NEB: variants seen among roughly 807,000 people sequenced by gnomAD.
NEB encodes the protein nemaline myopathy type 2.
A neutral mutation model predicts 952.2 loss-of-function variants in NEB; 512 were observed. That is an observed-to-expected ratio of 0.54 (90% CI 0.50 to 0.58). The LOEUF (loss-of-function observed/expected upper bound fraction) is 0.58, where lower values mean the gene tolerates loss of function less well. Ranked by LOEUF, NEB falls within the 20% of genes least tolerant of loss-of-function variation. NEB has a pLI of 0.00. For synonymous variants in NEB, 2,900 were observed against 3,149.8 expected, an observed-to-expected ratio of 0.92 and a Z score of 2.66; for missense variants, 8,428 against 9,231.1, an observed-to-expected ratio of 0.91 and a Z score of 3.56.
At position 151,525,223 on chromosome 2, in the gene NEB, G is replaced by A. The variant is rs754896798; in HGVS notation, c.22212C>T (p.Ser7404=). 10 of 1,613,822 alleles carry A rather than the reference G, an allele frequency of 6.2e-6. No homozygotes were observed. The highest frequency in any genetic ancestry group is 4.5e-5 in the East Asian group (2 of 44,890). The change falls in exon 151 of 182, where the codon TCC becomes TCT. Residue 7404 remains serine (S), a synonymous_variant. Coordinates refer to ENST00000397345, the MANE Select transcript of NEB (RefSeq NM_001164508.2). The part of the protein sequence containing the change: ...FVKEKGKSNY[S]IMLEPPEVKH... ...TCACCTCTGGTGGCTCCAGCATGAT[G>A]GAGTAGTTGGATTTTCCTTTCTCCT...
Position 151,576,208 on chromosome 2 carries a change from G to T in NEB, c.16851C>A (p.Ser5617Arg). 6.2e-7 allele frequency: 1 copy of T among 1,611,158 alleles called. No homozygotes were observed. Among genetic ancestry groups the T allele is most frequent in the Non-Finnish European group, 8.5e-7 (1 of 1,177,954 alleles). ...GGACCACTTCAGGTGTGTCAACAATGCTTGTGTACTTAAGGTTCACCACAG... is the reference window on the plus strand; with the variant it reads ...GGACCACTTCAGGTGTGTCAACAATTCTTGTGTACTTAAGGTTCACCACAG... ...RTPVVNLKYTSIVDTPEVVLA... is the reference protein window; with the variant it reads ...RTPVVNLKYTRIVDTPEVVLA... Residue 5617 changes from serine (S) to arginine (R), a missense_variant, in exon 106 of 182, where the codon AGC becomes AGA. Physicochemically the swap from Ser to Arg is moderately radical, Grantham distance 110. Coordinates refer to ENST00000397345, the MANE Select transcript of NEB (RefSeq NM_001164508.2).
chr2:151,631,152 G>T lies in NEB; in HGVS notation c.9609C>A (p.Asn3203Lys). The T allele has an allele frequency of 6.2e-7, 1 of 1,613,924 alleles. No individual in the cohort carries two copies. Among genetic ancestry groups the T allele is most frequent in the Non-Finnish European group, 8.5e-7 (1 of 1,179,836 alleles). Residue 3203 changes from asparagine to lysine, a missense_variant, in exon 66 of 182, where the codon AAC becomes AAA. This residue lies in a region of NEB where 1,772 missense variants were observed against 1,960.3 expected (regional missense o/e 0.90). Coordinates refer to ENST00000397345, the MANE Select transcript of NEB (RefSeq NM_001164508.2). ...GGCAGCTAGGACTCACCTTATTCAT[G>T]TTGAGAGCATTGTTCTTGGCCAGCA... Reference protein sequence around the residue: ...EQVLAKNNALNMNKRLYTEAW... With the variant: ...EQVLAKNNALKMNKRLYTEAW...
At chr2:151,639,449 G>A in intron 62 of NEB, 65 bp from the exon 63 acceptor site, 1 of 1,190,602 alleles carries the variant, frequency 8.4e-7, no homozygotes, top group East Asian at 2.6e-5. Context: ...AGGAATTTTA[G>A]GGCCACAAAA....
At chr2:151,568,822 C>T (rs2096527755) in intron 110 of NEB, 106 bp from the exon 111 acceptor site, 3 of 787,946 alleles carry the variant, frequency 3.8e-6, no homozygotes, top group East Asian at 2.7e-5. Flanking sequence ...CATACAGTGC[C>T]GTATTTGAAT....
At chr2:151,696,599 C>G (rs76127015) in intron 17 of NEB, 38 bp downstream of exon 17, 1 of 1,453,170 alleles carries the variant, frequency 6.9e-7, no homozygotes, top group African/African-American at 1.4e-5. Flanking sequence ...AATGTTATCC[C>G]TCATAATTGG....
At chr2:151,666,493 C>A in intron 40 of NEB, 92 bp from the exon 41 acceptor site, 1 of 1,246,986 alleles carries the variant, frequency 8.0e-7, no homozygotes, top group Non-Finnish European at 1.1e-6. Context: ...AAGCCAACTT[C>A]AGTCTGAATC....
rs572277679 is a variant in NEB at position 151,698,051 on chromosome 2, G to A, written c.1153-403C>T. Among the ~76,000 whole-genome samples the A allele has an allele frequency of 1.2e-4, 18 of 147,828 alleles. 1 individual carries two copies. The South Asian group carries it at 3.9e-3, about 32-fold the overall frequency. On this transcript the variant is annotated intron_variant, in intron 13 of 181. Coordinates refer to ENST00000397345, the MANE Select transcript of NEB (RefSeq NM_001164508.2). ...ATTGCACTCCAGCCCGGGCGACAATGCGAGACTCCGTCTCAAAACAAAACA... is the reference window on the plus strand; with the variant it reads ...ATTGCACTCCAGCCCGGGCGACAATACGAGACTCCGTCTCAAAACAAAACA...
In NEB at chr2:151,683,413, G is replaced by C. The variant is rs568415782; in HGVS notation, c.2836-644C>G. The stretch of plus-strand genomic sequence containing the variant: ...ATGCTACTCTTGTTGTCTGACCATA[G>C]GTGGTACCAAAAATTTACGTTTTAG... On this transcript the variant is annotated intron_variant, in intron 28 of 181. Coordinates refer to ENST00000397345, the MANE Select transcript of NEB (RefSeq NM_001164508.2). Among the ~76,000 whole-genome samples, 26 of 152,250 alleles carry C rather than the reference G, an allele frequency of 1.7e-4. No homozygotes were observed. The East Asian group carries it at 5.0e-3, about 29-fold the overall frequency.
chr2:151,646,009 G>T, intron 55 of NEB, 121 bp downstream of exon 55: 2 of 717,022 alleles, frequency 2.8e-6, no homozygotes, highest in South Asian at 4.0e-5. Flanking sequence ...AGGAATCTAA[G>T]TCATATGTAG....
intron 129 of NEB, among the ~76,000 whole-genome samples, chr2:151,550,618 T>G (rs1335612222): frequency 1.3e-5 from 2 of 152,132 alleles, no homozygotes; most frequent in Non-Finnish European, 2.9e-5. Flanking sequence ...GAATTACATT[T>G]AAAATATGAA....
In NEB at chr2:151,706,945, A is replaced by G; in HGVS notation, c.1088T>C (p.Val363Ala). 2 of 1,604,908 alleles carry G rather than the reference A, an allele frequency of 1.2e-6. No individual in the cohort carries two copies. Among genetic ancestry groups the G allele is most frequent in the Non-Finnish European group, 1.7e-6 (2 of 1,174,986 alleles). Residue 363 changes from valine (V) to alanine (A), a missense_variant, in exon 13 of 182, where the codon GTG (valine) becomes GCG (alanine). This residue lies in a region of NEB where 2,851 missense variants were observed against 2,791.5 expected (regional missense o/e 1.02). Transcript: ENST00000397345. ...CTGTGGGTTCTCTGAAGCAGGAAGC[A>G]CATTATAATCTGCTTTTCCTTTATT... Reference protein sequence around the residue: ...EKNKGKADYNVLPASENPQLR... With the variant: ...EKNKGKADYNALPASENPQLR...
chr2:151,568,514 A>G, intron 111 of NEB, 97 bp from the exon 112 acceptor site: 1 of 1,450,504 alleles, frequency 6.9e-7, no homozygotes, highest in Non-Finnish European at 9.6e-7. Flanking sequence ...TTCAATGATT[A>G]AAATCTGTAT....
At position 151,666,518 on chromosome 2, in the gene NEB, GT is replaced by G. The variant is rs529704102; in HGVS notation, c.4720-118del. On this transcript the variant is annotated intron_variant, in intron 40 of 181. Coordinates refer to ENST00000397345, the MANE Select transcript of NEB (RefSeq NM_001164508.2). Reference sequence around the variant, plus strand: ...CAGTCTGAATCTAGGTAACATCGAAGTTTTTTTTTGTATTTTAAAATAAACA... The same window carrying G: ...CAGTCTGAATCTAGGTAACATCGAAGTTTTTTTTGTATTTTAAAATAAACA... 280 of 927,616 alleles carry G rather than the reference GT, an allele frequency of 3.0e-4. 3 individuals carry two copies. Among genetic ancestry groups the G allele is most frequent in the South Asian group, 1.0e-3 (55 of 52,460 alleles). The allele number at this position is 927,616 out of a possible 1,614,324, so 57.5% of individuals were successfully genotyped here. A position where few individuals can be genotyped will look rare whatever the true frequency, so the allele number is the denominator to read the frequency against.
chr2:151,494,805 T>C (rs938592441), intron 173 of NEB, among the ~76,000 whole-genome samples: 2 of 152,048 alleles, frequency 1.3e-5, no homozygotes. Flanking sequence ...TGCACCACCA[T>C]GCCCGGCTAA....
rs6718654 is a variant in NEB at position 151,549,775 on chromosome 2, C to A, written c.19945-35G>T. On this transcript the variant is annotated intron_variant, in intron 129 of 181. Transcript: ENST00000397345. ...TGAGGAAGAGCAGGTTAAATGACATCGGGCATCAAGTAACTGATCTGAGCT... is the reference window on the plus strand; with the variant it reads ...TGAGGAAGAGCAGGTTAAATGACATAGGGCATCAAGTAACTGATCTGAGCT... The A allele has an allele frequency of 1.3e-5, 17 of 1,306,258 alleles. No individual in the cohort carries two copies. In the African/African-American group the frequency reaches 2.0e-4, roughly 16 times the overall value. The allele number at this position is 1,306,258 out of a possible 1,614,324, so 80.9% of individuals were successfully genotyped here.
intron 54 of NEB, 49 bp from the exon 55 acceptor site, chr2:151,646,283 T>A: frequency 7.5e-7 from 1 of 1,330,692 alleles, no homozygotes; most frequent in Non-Finnish European, 1.1e-6. Flanking sequence ...GATTAGTGAA[T>A]GATACAGTTG....
intron 136 of NEB, 48 bp downstream of exon 136, chr2:151,541,399 C>G: frequency 6.9e-7 from 1 of 1,447,762 alleles, no homozygotes; most frequent in Non-Finnish European, 9.6e-7. Context: ...CACATATAAT[C>G]ACCCCCTGTG....
At chr2:151,581,830 T>A (rs1322048230) in intron 102 of NEB, among the ~76,000 whole-genome samples, 1 of 140,622 alleles carries the variant, frequency 7.1e-6, no homozygotes, top group Non-Finnish European at 1.5e-5. Context: ...TGTTCTCCGA[T>A]ATAAACGTAG....
chr2:151,620,801 A>G, intron 72 of NEB, 118 bp downstream of exon 72: 1 of 691,374 alleles, frequency 1.4e-6, no homozygotes, highest in Non-Finnish European at 2.4e-6. Context: ...CTCAACCCTC[A>G]GTATATTTGC....
Sources: allele counts gnomAD v4.1 joint callset (sites outside exome capture counted in the v4.1 genomes callset), GRCh38; gene constraint gnomAD v4.1.1; regional missense constraint gnomAD v4.1.1; transcripts MANE v1.5; gene names NCBI Gene and HGNC (gene_info 2026-07-23, HGNC 2026-07-21).